SPICE1: variants seen among roughly 807,000 people sequenced by gnomAD.
The protein encoded by SPICE1 is spindle and centriole-associated protein 1.
Under a neutral mutation model 102.7 loss-of-function variants are expected in SPICE1, and 75 were observed. The observed-to-expected ratio is 0.73, with a 90% confidence interval of 0.61 to 0.88. The LOEUF is 0.88. Ranked by LOEUF, SPICE1 falls within the 40% of genes least tolerant of loss-of-function variation. The pLI, the probability that SPICE1 is intolerant of heterozygous loss-of-function variation, is 0.00. For missense variants in SPICE1, 979 were observed against 1,020.1 expected, an observed-to-expected ratio of 0.96 and a Z score of 0.55; for synonymous variants, 308 against 350.3, an observed-to-expected ratio of 0.88 and a Z score of 1.35.
chr3:113,478,701 ATAAG>A (rs1168765875), intron 7 of SPICE1, among the ~76,000 whole-genome samples: 1 of 152,194 alleles, frequency 6.6e-6, no homozygotes, highest in Non-Finnish European at 1.5e-5. Flanking sequence ...AGTGGCAAAA[ATAAG>A]TAAGGATACA....
At chr3:113,458,921 C>G (rs1387060781) in intron 12 of SPICE1, among the ~76,000 whole-genome samples, 1 of 151,652 alleles carries the variant, frequency 6.6e-6, no homozygotes, top group Non-Finnish European at 1.5e-5. Flanking sequence ...GGAGGTGTAC[C>G]CAACAGCTCA....
chr3:113,476,190 T>A (rs1433490748), intron 7 of SPICE1, among the ~76,000 whole-genome samples: 17 of 149,196 alleles, frequency 1.1e-4, no homozygotes, highest in South Asian at 6.3e-4. Context: ...CACAATTGCT[T>A]CAAAGAGAAT....
At chr3:113,456,292 C>T (rs1935776884) in intron 13 of SPICE1, among the ~76,000 whole-genome samples, 1 of 151,142 alleles carries the variant, frequency 6.6e-6, no homozygotes, top group Non-Finnish European at 1.5e-5. Flanking sequence ...AGTTATTTTT[C>T]TGTTCCCCTG....
chr3:113,505,802 AGG>A (rs5851899), intron 2 of SPICE1, among the ~76,000 whole-genome samples: 31,599 of 151,958 alleles, frequency 0.21, 3,524 homozygotes, highest in African/African-American at 0.29. Flanking sequence ...GCTACTCAGG[AGG>A]CTAAGGCAGG....
At chr3:113,514,464 G>C in intron 1 of SPICE1, 1 of 363,576 alleles carries the variant, frequency 2.8e-6, no homozygotes, top group Non-Finnish European at 5.4e-6. Context: ...AACTCAGCTT[G>C]GCATTCAGAC....
Position 113,453,798 on chromosome 3 carries a change from A to G in SPICE1, c.1810T>C (p.Trp604Arg). Residue 604 changes from tryptophan to arginine, a missense_variant, in exon 14 of 18, where the codon TGG becomes CGG. Physicochemically the swap from Trp to Arg is moderately radical, Grantham distance 101. Transcript: ENST00000295872. Reference protein sequence around the residue: ...SEENRLFTQRWRVSHMGEDLE... With the variant: ...SEENRLFTQRRRVSHMGEDLE... ...TCTTCTCCCATGTGAGAGACTCTCC[A>G]TCTCTGAGTGAAGAGACGATTCTCT... is the stretch of plus-strand genomic sequence containing the variant. The G allele has an allele frequency of 1.2e-6, 2 of 1,614,154 alleles. No homozygotes were observed. Among genetic ancestry groups the G allele is most frequent in the South Asian group, 1.1e-5 (1 of 91,078 alleles).
chr3:113,459,535 T>A, intron 12 of SPICE1: 1 of 985,164 alleles, frequency 1.0e-6, no homozygotes, highest in Non-Finnish European at 1.2e-6. Flanking sequence ...TTCTCAGTAG[T>A]GAAGCTTAAT....
At chr3:113,503,298 T>C in intron 2 of SPICE1, 71 bp from the exon 3 acceptor site, 1 of 1,398,594 alleles carries the variant, frequency 7.2e-7, no homozygotes, top group Non-Finnish European at 9.5e-7. Flanking sequence ...ATTTATTGGA[T>C]TTTAATGGCT....
chr3:113,504,571 C>CCAAAAAAAA (rs1937071566), intron 2 of SPICE1, among the ~76,000 whole-genome samples: 1 of 67,840 alleles, frequency 1.5e-5, no homozygotes, highest in Non-Finnish European at 2.9e-5. Flanking sequence ...GACCTTGTCT[C>CCAAAAAAAA]AAAAAAAAAA....
chr3:113,482,522 T>C (rs950171171), intron 7 of SPICE1, among the ~76,000 whole-genome samples: 10 of 152,224 alleles, frequency 6.6e-5, no homozygotes, highest in Admixed American at 2.6e-4. Flanking sequence ...GGTTTTCTTC[T>C]AGGATTTTTT....
At chr3:113,508,202 C>T (rs560138496) in intron 1 of SPICE1, among the ~76,000 whole-genome samples, 19 of 152,098 alleles carry the variant, frequency 1.2e-4, no homozygotes, top group Admixed American at 1.1e-3. Flanking sequence ...AGTAAATCTT[C>T]GTGAGCCGTG....
chr3:113,466,598 G>C lies in SPICE1; in HGVS notation c.1156-814C>G, dbSNP rs555287606. Reference sequence around the variant, plus strand: ...GCACTCCAGCCTAGCAACAGAGCGAGACTCTGTCTCAAAAAAAAAAAAAAA... The same window carrying C: ...GCACTCCAGCCTAGCAACAGAGCGACACTCTGTCTCAAAAAAAAAAAAAAA... On this transcript the variant is annotated intron_variant, in intron 10 of 17. Coordinates refer to ENST00000295872, the MANE Select transcript of SPICE1 (RefSeq NM_144718.4). 6.1e-5 allele frequency among the ~76,000 whole-genome samples: 9 copies of C among 146,448 alleles called. No individual in the cohort carries two copies. In the South Asian group the frequency reaches 1.7e-3, roughly 28 times the overall value.
rs755632258 is a variant in SPICE1 at position 113,499,529 on chromosome 3, T to C, written c.201A>G (p.Glu67=). The C allele has an allele frequency of 5.0e-6, 8 of 1,613,180 alleles. No homozygotes were observed. The highest frequency in any genetic ancestry group is 5.9e-6 in the Non-Finnish European group (7 of 1,179,760). ...TTCTCTTCAAAGCTTTTTCTTGGAGTTCCCAGTGTACTAATGCTCTATTCT... is the reference window on the plus strand; with the variant it reads ...TTCTCTTCAAAGCTTTTTCTTGGAGCTCCCAGTGTACTAATGCTCTATTCT... ...KSKNRALVHW[E]LQEKALKRKW... The change falls in exon 4 of 18, where the codon GAA becomes GAG. Residue 67 remains glutamate, a synonymous_variant. Transcript: ENST00000295872.
rs1222793097 is a variant in SPICE1, at chr3:113,443,991, T to C, written c.*1316A>G. 1 of 152,180 alleles carries C rather than the reference T, an allele frequency of 6.6e-6. No individual in the cohort carries two copies. Among genetic ancestry groups the C allele is most frequent in the African/African-American group, 2.4e-5 (1 of 41,422 alleles). The allele number at this position is 152,180 out of a possible 1,614,324, so 9.4% of individuals were successfully genotyped here. The stretch of plus-strand genomic sequence containing the variant: ...TCTGCCAACCTGTAATTTGGAAAAC[T>C]GTAAATTTCAGGTTGAGCAAGTTAT... On this transcript the variant is annotated 3_prime_UTR_variant, in exon 18 of 18. Coordinates refer to ENST00000295872, the MANE Select transcript of SPICE1 (RefSeq NM_144718.4).
chr3:113,509,750 C>T (rs1937182188), intron 1 of SPICE1, among the ~76,000 whole-genome samples: 1 of 152,102 alleles, frequency 6.6e-6, no homozygotes, highest in African/African-American at 2.4e-5. Flanking sequence ...AATTGTAATC[C>T]CTATAATCCC....
In SPICE1 at chr3:113,448,086, C is replaced by G; in HGVS notation, c.2378G>C (p.Ser793Thr). The change falls in exon 16 of 18, where the codon AGC becomes ACC. Residue 793 changes from serine to threonine, a missense_variant. Coordinates refer to ENST00000295872, the MANE Select transcript of SPICE1 (RefSeq NM_144718.4). Reference sequence around the variant, plus strand: ...GGGAGAGACAGTACTACATTTTGAGCTTTCTGGGGCTTCTGCTCCTGGAAT... The same window carrying G: ...GGGAGAGACAGTACTACATTTTGAGGTTTCTGGGGCTTCTGCTCCTGGAAT... ...VSIPGAEAPE[S>T]SKCSTVSPVS... is the part of the protein sequence containing the mutation. The G allele has an allele frequency of 6.2e-7, 1 of 1,611,974 alleles. No homozygotes were observed. The highest frequency in any genetic ancestry group is 8.5e-7 in the Non-Finnish European group (1 of 1,178,990).
At chr3:113,464,418 A>G (rs1642424441) in intron 11 of SPICE1, among the ~76,000 whole-genome samples, 1 of 151,804 alleles carries the variant, frequency 6.6e-6, no homozygotes, top group Non-Finnish European at 1.5e-5. Flanking sequence ...TACCATGCCC[A>G]GCTAATATTT....
chr3:113,493,248 A>G lies in SPICE1; in HGVS notation c.450T>C (p.Pro150=), dbSNP rs764957044. The G allele has an allele frequency of 4.3e-6, 7 of 1,612,666 alleles. No individual in the cohort carries two copies. The South Asian group carries it at 7.7e-5, about 18-fold the overall frequency. The part of the protein sequence containing the change: ...SQGPIVVNQD[P]ITQSIFNESV... Reference sequence around the variant, plus strand: ...ACTCATTAAAGATAGATTGGGTGATAGGGTCTTGATTTACCACAATGGGAC... The same window carrying G: ...ACTCATTAAAGATAGATTGGGTGATGGGGTCTTGATTTACCACAATGGGAC... Residue 150 remains proline, a synonymous_variant, in exon 6 of 18, where the codon CCT becomes CCC. Transcript: ENST00000295872.
intron 3 of SPICE1, among the ~76,000 whole-genome samples, chr3:113,501,294 C>T (rs1937003071): frequency 6.6e-6 from 1 of 152,098 alleles, no homozygotes; most frequent in South Asian, 2.1e-4. Flanking sequence ...CATATAAGAA[C>T]TACAACTATA....
Sources: gnomAD v4.1 joint callset for allele counts (sites outside exome capture counted in the v4.1 genomes callset) on GRCh38, gnomAD v4.1.1 for gene constraint, MANE v1.5 for transcripts, NCBI Gene and HGNC (gene_info 2026-07-23, HGNC 2026-07-21) for gene names.